The following WDFY3 variants were observed in gnomAD, a reference collection of about 807,000 sequenced individuals.
WDFY3 encodes WD repeat and FYVE domain-containing protein 3.
Under a neutral mutation model 409.6 loss-of-function variants are expected in WDFY3, and 66 were observed. The observed-to-expected ratio is 0.16, with a 90% CI of 0.13 to 0.20. WDFY3 has a LOEUF of 0.20. Ranked by LOEUF, WDFY3 falls within the 10% of genes least tolerant of loss-of-function variation. The pLI is 1.00. For missense variants in WDFY3, 3,031 were observed against 4,298.1 expected, an observed-to-expected ratio of 0.71 and a Z score of 8.24; for synonymous variants, 1,521 against 1,537.1, an observed-to-expected ratio of 0.99 and a Z score of 0.25.
chr4:84,855,885 C>G (rs1268894307), intron 4 of WDFY3, among the ~76,000 whole-genome samples: 3 of 152,184 alleles, frequency 2.0e-5, no homozygotes, highest in Non-Finnish European at 2.9e-5. Context: ...ATGCCTAACT[C>G]AGTCCCGTCC....
intron 47 of WDFY3, among the ~76,000 whole-genome samples, chr4:84,718,837 T>TA (rs1384082821): frequency 2.6e-5 from 4 of 152,300 alleles, no homozygotes; most frequent in Admixed American, 2.6e-4. Context: ...CGCTAGCTTC[T>TA]AAAAGTCAAG....
Position 84,688,313 on chromosome 4 carries a change from G to C in WDFY3, c.9364-48C>G, listed in dbSNP as rs771917247. 16 of 1,573,134 alleles carry C rather than the reference G, an allele frequency of 1.0e-5. No homozygotes were observed. In the Middle Eastern group the frequency reaches 6.8e-4, roughly 67 times the overall value. On this transcript the variant is annotated intron_variant, in intron 61 of 67. Coordinates refer to ENST00000295888, the MANE Select transcript of WDFY3 (RefSeq NM_014991.6). ...AAAATCAGGTTGATCTCAGTGACAGGGTTCCACAGTGACTCCAGAAGCTCC... is the reference window on the plus strand; with the variant it reads ...AAAATCAGGTTGATCTCAGTGACAGCGTTCCACAGTGACTCCAGAAGCTCC...
chr4:84,703,629 C>G (rs1434907861), intron 55 of WDFY3, among the ~76,000 whole-genome samples: 1 of 152,186 alleles, frequency 6.6e-6, no homozygotes, highest in Non-Finnish European at 1.5e-5. Context: ...CAAGCTCTTC[C>G]CTCTGCCTGG....
At position 84,705,541 on chromosome 4, in the gene WDFY3, G is replaced by A. The variant is rs781221763; in HGVS notation, c.8218-30C>T. Reference sequence around the variant, plus strand: ...AATACAAAATGTAACTCAATTCCAAGTTACTATACACTATCTAGCCTCACT... The same window carrying A: ...AATACAAAATGTAACTCAATTCCAAATTACTATACACTATCTAGCCTCACT... On this transcript the variant is annotated intron_variant, in intron 53 of 67. Coordinates refer to ENST00000295888, the MANE Select transcript of WDFY3 (RefSeq NM_014991.6). 5.8e-6 allele frequency: 9 copies of A among 1,547,922 alleles called. No homozygotes were observed. The African/African-American group carries it at 1.2e-4, about 21-fold the overall frequency.
intron 7 of WDFY3, among the ~76,000 whole-genome samples, chr4:84,832,256 T>G (rs537653818): frequency 6.6e-6 from 1 of 152,270 alleles, no homozygotes; most frequent in East Asian, 1.9e-4. Flanking sequence ...GAATATTGAA[T>G]GCTTTCATTC....
At chr4:84,947,644 C>A (rs1280894342) in intron 1 of WDFY3, among the ~76,000 whole-genome samples, 29 of 144,062 alleles carry the variant, frequency 2.0e-4, no homozygotes, top group African/African-American at 7.2e-4. Flanking sequence ...CCAAGGCAGT[C>A]AAGATCGCTT....
At chr4:84,740,629 TA>T (rs898937252) in intron 38 of WDFY3, among the ~76,000 whole-genome samples, 10 of 150,512 alleles carry the variant, frequency 6.6e-5, no homozygotes, top group African/African-American at 1.7e-4. Context: ...GAGGGCTACA[TA>T]AAAAAAAAGA....
intron 44 of WDFY3, among the ~76,000 whole-genome samples, chr4:84,729,243 T>C (rs1463238062): frequency 6.6e-6 from 1 of 151,964 alleles, no homozygotes; most frequent in Non-Finnish European, 1.5e-5. Context: ...TTTTTTTAAA[T>C]GGCAAAATAT....
chr4:84,773,115 G>C (rs1744954900), intron 29 of WDFY3, among the ~76,000 whole-genome samples, 186 bp from the exon 30 acceptor site: 1 of 149,876 alleles, frequency 6.7e-6, no homozygotes. Flanking sequence ...GGAGATTTTA[G>C]TTTCCTTGTT....
At chr4:84,725,300 T>C (rs1735484951) in intron 45 of WDFY3, among the ~76,000 whole-genome samples, 1 of 152,142 alleles carries the variant, frequency 6.6e-6, no homozygotes, top group Non-Finnish European at 1.5e-5. Flanking sequence ...ACTAAATGAG[T>C]ATTTGATATA....
At chr4:84,876,693 A>G (rs1482766742) in intron 3 of WDFY3, among the ~76,000 whole-genome samples, 1 of 152,170 alleles carries the variant, frequency 6.6e-6, no homozygotes, top group Non-Finnish European at 1.5e-5. Context: ...GTTAAAAAAA[A>G]AAAACTTACA....
rs1271447718 is a variant in WDFY3 at position 84,796,697 on chromosome 4, A to G, written c.2991T>C (p.His997=). ...GLGTDNVFSL[H]EDNHYRISKS... The stretch of plus-strand genomic sequence containing the variant: ...TGCTTATCCGGTAATGGTTATCTTC[A>G]TGTAAGCTAAAAACATTATCAGTAC... Residue 997 remains histidine (H), a synonymous_variant, in exon 19 of 68, where the codon CAT becomes CAC. Transcript: ENST00000295888. 2 of 1,614,146 alleles carry G rather than the reference A, an allele frequency of 1.2e-6. No individual in the cohort carries two copies. The highest frequency in any genetic ancestry group is 1.7e-5 in the Admixed American group (1 of 60,020).
intron 56 of WDFY3, among the ~76,000 whole-genome samples, chr4:84,699,246 A>G (rs1730675182): frequency 6.6e-6 from 1 of 152,046 alleles, no homozygotes; most frequent in Admixed American, 6.6e-5. Context: ...CCAGAACACC[A>G]ATCTGTGTCC....
intron 30 of WDFY3, among the ~76,000 whole-genome samples, chr4:84,768,176 A>G (rs1452331245): frequency 6.6e-6 from 1 of 152,238 alleles, no homozygotes; most frequent in African/African-American, 2.4e-5. Flanking sequence ...CTCCATAACA[A>G]AAGTGAAAGA....
At chr4:84,939,813 T>C (rs187795164) in intron 1 of WDFY3, among the ~76,000 whole-genome samples, 1 of 152,144 alleles carries the variant, frequency 6.6e-6, no homozygotes, top group Non-Finnish European at 1.5e-5. Context: ...CATCTATTTC[T>C]GTGAGGAGCT....
At chr4:84,801,470 A>G (rs1258521572) in intron 17 of WDFY3, among the ~76,000 whole-genome samples, 180 bp downstream of exon 17, 1 of 152,224 alleles carries the variant, frequency 6.6e-6, no homozygotes, top group African/African-American at 2.4e-5. Flanking sequence ...CTAAATGATT[A>G]CTAATAACTA....
At chr4:84,852,042 G>T (rs1239383495) in intron 4 of WDFY3, among the ~76,000 whole-genome samples, 2 of 152,098 alleles carry the variant, frequency 1.3e-5, no homozygotes, top group South Asian at 2.1e-4. Flanking sequence ...ATTAAGTCAA[G>T]AACTTTTACC....
chr4:84,737,119 A>T, intron 41 of WDFY3, 65 bp downstream of exon 41: 1 of 1,547,916 alleles, frequency 6.5e-7, no homozygotes, highest in Non-Finnish European at 8.9e-7. Flanking sequence ...TCACATATTT[A>T]AAGTATACCC....
At chr4:84,810,996 A>AT (rs1268459001) in intron 13 of WDFY3, among the ~76,000 whole-genome samples, 2 of 151,998 alleles carry the variant, frequency 1.3e-5, no homozygotes, top group Admixed American at 1.3e-4. Context: ...TTAGCTTATG[A>AT]TTTTTTTTCT....
Sources: allele counts gnomAD v4.1 joint callset (sites outside exome capture counted in the v4.1 genomes callset), GRCh38; gene constraint gnomAD v4.1.1; transcripts MANE v1.5; gene names NCBI Gene and HGNC (gene_info 2026-07-23, HGNC 2026-07-21).